IL31RA: variants seen among roughly 807,000 people sequenced by gnomAD.
IL31RA encodes the protein interleukin-31 receptor subunit alpha.
IL31RA carries 66 observed loss-of-function variants against 83.7 expected under a neutral mutation model. The ratio of observed to expected loss-of-function variants is 0.79; its 90% CI spans 0.65 to 0.97. IL31RA has a LOEUF of 0.97. Among genes scored for constraint, IL31RA ranks in the 50% least tolerant of loss-of-function variants. The pLI is 0.00. For synonymous variants in IL31RA, 325 were observed against 329.0 expected, an observed-to-expected ratio of 0.99 and a Z score of 0.13; for missense variants, 798 against 919.4, an observed-to-expected ratio of 0.87 and a Z score of 1.71.
intron 12 of IL31RA, among the ~76,000 whole-genome samples, chr5:55,912,114 C>T (rs905115537): frequency 5.3e-5 from 8 of 152,102 alleles, no homozygotes; most frequent in South Asian, 4.1e-4. Flanking sequence ...AAGATCCAGC[C>T]CTGGAACCTA....
At chr5:55,841,278 CTCAA>C in the IL31RA span, among the ~76,000 whole-genome samples, 2 of 152,166 alleles carry the variant, frequency 1.3e-5, no homozygotes, top group Non-Finnish European at 2.9e-5. Context: ...CCTTTTCTTT[CTCAA>C]TCAATTTACA....
intron 1 of IL31RA, among the ~76,000 whole-genome samples, chr5:55,854,310 A>G (rs1248432082): frequency 6.6e-6 from 1 of 152,186 alleles, no homozygotes; most frequent in Non-Finnish European, 1.5e-5. Flanking sequence ...TGGGCAATGT[A>G]TATATAATCA....
the IL31RA span, among the ~76,000 whole-genome samples, chr5:55,841,112 G>GT: frequency 6.6e-6 from 1 of 152,178 alleles, no homozygotes; most frequent in East Asian, 1.9e-4. Context: ...GCTTATTTCT[G>GT]TCTCTGGACC....
chr5:55,900,384 A>G (rs1561112859), intron 8 of IL31RA, among the ~76,000 whole-genome samples: 2 of 152,250 alleles, frequency 1.3e-5, no homozygotes, highest in Non-Finnish European at 2.9e-5. Flanking sequence ...CCATACACCT[A>G]GAAGTTCTGT....
intron 5 of IL31RA, among the ~76,000 whole-genome samples, chr5:55,887,503 G>A (rs1747689138): frequency 6.6e-6 from 1 of 152,200 alleles, no homozygotes; most frequent in South Asian, 2.1e-4. Context: ...ACTTTGGGAG[G>A]CCGAGGTGGG....
At chr5:55,915,070 A>C in intron 14 of IL31RA, 142 bp downstream of exon 14, 1 of 720,168 alleles carries the variant, frequency 1.4e-6, no homozygotes. Flanking sequence ...AGGGAATGGC[A>C]GGCAGGGCAG....
At chr5:55,851,010 A>C (rs1462055386), upstream of IL31RA, among the ~76,000 whole-genome samples, 2 of 152,050 alleles carry the variant, frequency 1.3e-5, no homozygotes, top group Admixed American at 6.6e-5. Flanking sequence ...CAGGAGAATC[A>C]CTTCAACCCG....
Position 55,883,074 on chromosome 5 carries a change from T to C in IL31RA, c.485T>C (p.Val162Ala), listed in dbSNP as rs762104579. ...ACTGAACCACCTAAGATTTTCCGTG[T>C]GAAACCAGTTTTGGGCATCAAACGA... is the stretch of plus-strand genomic sequence containing the variant. The part of the protein sequence containing the change: ...AKTEPPKIFR[V>A]KPVLGIKRMI... Residue 162 changes from valine (V) to alanine (A), a missense_variant, in exon 5 of 15, where the codon GTG (valine) becomes GCG (alanine). Transcript: ENST00000652347. 29 of 1,614,044 alleles carry C rather than the reference T, an allele frequency of 1.8e-5. No homozygotes were observed. In the East Asian group the frequency reaches 6.5e-4, roughly 36 times the overall value.
chr5:55,901,364 G>A (rs1748790231), intron 8 of IL31RA, among the ~76,000 whole-genome samples: 1 of 151,944 alleles, frequency 6.6e-6, no homozygotes, highest in South Asian at 2.1e-4. Flanking sequence ...TAAAGAATAG[G>A]GTATAAAAGC....
In IL31RA at chr5:55,851,454, C is replaced by T. The variant is rs1263328034; in HGVS notation, c.-117C>T. 1.9e-6 allele frequency: 3 copies of T among 1,557,694 alleles called. No homozygotes were observed. Among genetic ancestry groups the T allele is most frequent in the South Asian group, 2.3e-5 (2 of 88,092 alleles). On this transcript the variant is annotated 5_prime_UTR_variant, in exon 1 of 15. Transcript: ENST00000652347. ...ATCACTCATAAAAGGCAAAAAATTG[C>T]AAAAAAAAATAGTAATAACCAGCAT...
chr5:55,889,149 A>T (rs1373723418), intron 5 of IL31RA, among the ~76,000 whole-genome samples: 1 of 152,222 alleles, frequency 6.6e-6, no homozygotes, highest in African/African-American at 2.4e-5. Context: ...ATATTGAGCT[A>T]AATGTTTATA....
intron 8 of IL31RA, among the ~76,000 whole-genome samples, chr5:55,905,579 G>C (rs1027827138): frequency 1.3e-5 from 2 of 152,192 alleles, no homozygotes; most frequent in Non-Finnish European, 2.9e-5. Context: ...AATTTGGATG[G>C]CAATGTCTTT....
chr5:55,885,540 A>G (rs1185281976), intron 5 of IL31RA, among the ~76,000 whole-genome samples: 1 of 152,142 alleles, frequency 6.6e-6, no homozygotes, highest in Non-Finnish European at 1.5e-5. Flanking sequence ...CCGTGGCTCC[A>G]CCCCATTCTC....
At chr5:55,868,273 G>C (rs1746309240) in intron 2 of IL31RA, among the ~76,000 whole-genome samples, 1 of 152,152 alleles carries the variant, frequency 6.6e-6, no homozygotes, top group African/African-American at 2.4e-5. Context: ...TGGATGCTAT[G>C]GGGTGGGGAG....
chr5:55,922,603 C>T lies in IL31RA; in HGVS notation c.*5483C>T. 1.7e-6 allele frequency: 1 copy of T among 586,902 alleles called. No homozygotes were observed. Among genetic ancestry groups the T allele is most frequent in the Non-Finnish European group, 3.1e-6 (1 of 326,980 alleles). The allele number at this position is 586,902 out of a possible 1,614,324, so 36.4% of individuals were successfully genotyped here. On this transcript the variant is annotated 3_prime_UTR_variant, in exon 15 of 15. Transcript: ENST00000652347. ...CCACCTACGGATGCAATCTGTAATGCATGTGCATGAGAAGTCTGTTATTAA... is the reference window on the plus strand; with the variant it reads ...CCACCTACGGATGCAATCTGTAATGTATGTGCATGAGAAGTCTGTTATTAA...
In IL31RA at chr5:55,921,390, G is replaced by A. The variant is rs901204817; in HGVS notation, c.*4270G>A. Among the ~76,000 whole-genome samples, 1 of 152,232 alleles carries A rather than the reference G, an allele frequency of 6.6e-6. No homozygotes were observed. The highest frequency in any genetic ancestry group is 1.5e-5 in the Non-Finnish European group (1 of 68,040). On this transcript the variant is annotated 3_prime_UTR_variant, in exon 15 of 15. Coordinates refer to ENST00000652347, the MANE Select transcript of IL31RA (RefSeq NM_139017.7). ...AAAAACCCCATGGCGGGCCTGCATG[G>A]TGTGGTTTGCTAAGGCATCCCTTGG...
chr5:55,854,747 GA>G (rs11409015), intron 1 of IL31RA, among the ~76,000 whole-genome samples: 9 of 141,922 alleles, frequency 6.3e-5, no homozygotes, highest in East Asian at 2.1e-4. Context: ...CCCGTCTCCA[GA>G]AAAAAAAAAA....
chr5:55,865,377 G>C (rs191889867), intron 2 of IL31RA, among the ~76,000 whole-genome samples: 3 of 152,252 alleles, frequency 2.0e-5, no homozygotes, highest in Admixed American at 2.0e-4. Context: ...TCTCTGGAGA[G>C]AGCGAGAAAA....
At chr5:55,895,491 T>TA in intron 6 of IL31RA, among the ~76,000 whole-genome samples, 1 of 152,236 alleles carries the variant, frequency 6.6e-6, no homozygotes, top group East Asian at 1.9e-4. Context: ...GGTTAGATCA[T>TA]CAGAAGCCTG....
Sources: allele counts gnomAD v4.1 joint callset (sites outside exome capture counted in the v4.1 genomes callset), GRCh38; gene constraint gnomAD v4.1.1; transcripts MANE v1.5; gene names NCBI Gene and HGNC (gene_info 2026-07-23, HGNC 2026-07-21).